DPYS: variants seen among roughly 807,000 people sequenced by gnomAD.
The protein encoded by DPYS is dihydropyrimidinase.
A neutral mutation model predicts 50.3 loss-of-function variants in DPYS; 39 were observed. The ratio of observed to expected loss-of-function variants is 0.78; its 90% CI spans 0.60 to 1.01. DPYS has a LOEUF of 1.01. DPYS is among the 50% of genes least tolerant of loss of function. The pLI is 0.00. For missense variants in DPYS, 659 were observed against 680.9 expected (o/e 0.97, Z 0.36); for synonymous variants, 245 against 250.7 (o/e 0.98, Z 0.22).
rs141528788 is a variant in DPYS at position 104,406,496 on chromosome 8, G to A, written c.1236-13505C>T. Among the ~76,000 whole-genome samples, 329 of 152,290 alleles carry A rather than the reference G, an allele frequency of 2.2e-3. 1 individual carries two copies. The highest frequency in any genetic ancestry group is 7.2e-3 in the African/African-American group (300 of 41,552). On this transcript the variant is annotated intron_variant, in intron 7 of 9. Transcript: ENST00000351513. ...TTCACCTGCTCCAACTCCTGGGCCA[G>A]GTGTGTGAGTTTGGCCTCATGACCA...
intron 7 of DPYS, chr8:104,418,894 G>A: frequency 2.4e-6 from 1 of 417,980 alleles, no homozygotes; most frequent in Non-Finnish European, 3.2e-6. Context: ...CTTCTTAAAG[G>A]CAGGGTGTGG....
intron 6 of DPYS, among the ~76,000 whole-genome samples, chr8:104,427,432 C>T (rs1163554707): frequency 2.6e-5 from 4 of 151,502 alleles, no homozygotes; most frequent in Non-Finnish European, 2.9e-5. Context: ...CCACGTGCCA[C>T]CATGCCCGGC....
chr8:104,465,242 A>G (rs1355319533), intron 1 of DPYS, among the ~76,000 whole-genome samples: 1 of 148,000 alleles, frequency 6.8e-6, no homozygotes, highest in Non-Finnish European at 1.5e-5. Flanking sequence ...GCCTGTCCAC[A>G]GTAACATGGG....
intron 7 of DPYS, among the ~76,000 whole-genome samples, chr8:104,401,257 A>G (rs1811796287): frequency 6.6e-6 from 1 of 151,612 alleles, no homozygotes; most frequent in African/African-American, 2.4e-5. Flanking sequence ...GTGTGAAACA[A>G]TAATAATCAT....
At chr8:104,398,273 T>A (rs1449696828) in intron 7 of DPYS, among the ~76,000 whole-genome samples, 1 of 152,214 alleles carries the variant, frequency 6.6e-6, no homozygotes, top group African/African-American at 2.4e-5. Context: ...GATGGGTCAA[T>A]CCTGGGTTTA....
Position 104,424,489 on chromosome 8 carries a change from AC to A in DPYS, c.1093-101del, listed in dbSNP as rs1812654382. The A allele has an allele frequency of 1.3e-5, 17 of 1,262,888 alleles. No homozygotes were observed. The Admixed American group carries it at 3.4e-4, about 25-fold the overall frequency. 78.2% of individuals were successfully genotyped at this position (1,262,888 alleles called of 1,614,324 possible). A position where few individuals can be genotyped will look rare whatever the true frequency, so the allele number is the denominator to read the frequency against. On this transcript the variant is annotated intron_variant, in intron 6 of 9. Transcript: ENST00000351513. ...GCATCTCTTAAACAAACAGAACTGC[AC>A]CTAATTTCTTATATTGTAGAGCATC...
chr8:104,453,305 A>G (rs1813816740), intron 1 of DPYS, among the ~76,000 whole-genome samples: 1 of 152,206 alleles, frequency 6.6e-6, no homozygotes, highest in South Asian at 2.1e-4. Flanking sequence ...CTATTGATGT[A>G]ATGAAAATAC....
Position 104,466,742 on chromosome 8 carries a change from A to C in DPYS, c.179T>G (p.Leu60Arg), listed in dbSNP as rs1399897638. 6.5e-7 allele frequency: 1 copy of C among 1,535,610 alleles called. No individual in the cohort carries two copies. The highest frequency in any genetic ancestry group is 1.4e-5 in the African/African-American group (1 of 72,586). The change falls in exon 1 of 10, where the codon CTG (leucine) becomes CGG (arginine). Residue 60 changes from leucine (L) to arginine (R), a missense_variant. Leu to Arg is a moderately radical substitution (Grantham distance 102). Transcript: ENST00000351513. ...RVLDAAGKLV[L>R]PGGIDTHTHM... ...CGTGTGTGTGTCGATGCCTCCGGGC[A>C]GGACGAGCTTGCCGGCGGCGTCGAG...
chr8:104,416,295 G>C (rs950327019), intron 7 of DPYS, among the ~76,000 whole-genome samples: 20 of 152,124 alleles, frequency 1.3e-4, no homozygotes. Context: ...GTTACTACCT[G>C]TATCTATATC....
intron 1 of DPYS, among the ~76,000 whole-genome samples, chr8:104,461,580 C>T (rs190586283): frequency 7.2e-4 from 109 of 152,138 alleles, no homozygotes; most frequent in African/African-American, 2.6e-3. Flanking sequence ...CTGGAGATCA[C>T]CAAAATGTCC....
chr8:104,457,247 G>A (rs1257214263), intron 1 of DPYS, among the ~76,000 whole-genome samples: 1 of 152,150 alleles, frequency 6.6e-6, no homozygotes, highest in East Asian at 1.9e-4. Context: ...CCTGATAACC[G>A]AGCCAACTAC....
rs192507470 is a variant in DPYS, at chr8:104,424,436, G to T, written c.1093-47C>A. 564 of 1,589,276 alleles carry T rather than the reference G, an allele frequency of 3.5e-4. 1 individual carries two copies. In the African/African-American group the frequency reaches 6.7e-3, roughly 19 times the overall value. ...CATTCTAATGATCAAATACTAAAAA[G>T]TATCCTATCGATAAAATGACAAGAC... On this transcript the variant is annotated intron_variant, in intron 6 of 9. Transcript: ENST00000351513.
At position 104,379,784 on chromosome 8, in the gene DPYS, T is replaced by C. The variant is rs903913732; in HGVS notation, c.*74A>G. On this transcript the variant is annotated 3_prime_UTR_variant, in exon 10 of 10. Transcript: ENST00000351513. Reference sequence around the variant, plus strand: ...GAGTTGAATAAGGCCTGCTTCTCCATGGGTTGACAATGTTTGGCTGTGAAG... The same window carrying C: ...GAGTTGAATAAGGCCTGCTTCTCCACGGGTTGACAATGTTTGGCTGTGAAG... The C allele has an allele frequency of 4.4e-6, 2 of 456,546 alleles. No homozygotes were observed. The highest frequency in any genetic ancestry group is 2.0e-5 in the African/African-American group (1 of 50,082). The allele number at this position is 456,546 out of a possible 1,614,324, so 28.3% of individuals were successfully genotyped here.
intron 8 of DPYS, among the ~76,000 whole-genome samples, chr8:104,383,745 G>A (rs914727942): frequency 6.6e-6 from 1 of 152,032 alleles, no homozygotes; most frequent in African/African-American, 2.4e-5. Flanking sequence ...GGAATTACAG[G>A]CACACACCAC....
intron 8 of DPYS, among the ~76,000 whole-genome samples, chr8:104,385,492 T>G (rs1811183024): frequency 6.6e-6 from 1 of 152,224 alleles, no homozygotes; most frequent in Non-Finnish European, 1.5e-5. Flanking sequence ...CAGTACATGC[T>G]GGTCAAGATT....
At chr8:104,415,545 T>C (rs912038666) in intron 7 of DPYS, among the ~76,000 whole-genome samples, 5 of 151,972 alleles carry the variant, frequency 3.3e-5, no homozygotes, top group Admixed American at 1.3e-4. Flanking sequence ...GCATATGTAA[T>C]CAACAATGTT....
intron 7 of DPYS, among the ~76,000 whole-genome samples, chr8:104,421,825 T>G (rs1812558916): frequency 1.3e-5 from 2 of 152,232 alleles, no homozygotes; most frequent in Admixed American, 1.3e-4. Context: ...CTTTATGTGC[T>G]ATTCTGAAAC....
rs1377552957 is a variant in DPYS, at chr8:104,379,737, A to T, written c.*121T>A. On this transcript the variant is annotated 3_prime_UTR_variant, in exon 10 of 10. Transcript: ENST00000351513. ...AAATCAAAGAAGCCTATAGTGGTGA[A>T]TTTTTTCTAAAGGATCCTAGGGAGT... The T allele has an allele frequency of 2.2e-6, 1 of 455,384 alleles. No homozygotes were observed. The highest frequency in any genetic ancestry group is 4.4e-6 in the Non-Finnish European group (1 of 226,434). 28.2% of individuals were successfully genotyped at this position (455,384 alleles called of 1,614,324 possible). A position where few individuals can be genotyped will look rare whatever the true frequency, so the allele number is the denominator to read the frequency against.
chr8:104,416,064 G>T (rs78165104), intron 7 of DPYS, among the ~76,000 whole-genome samples: 3,052 of 152,124 alleles, frequency 0.02, 98 homozygotes, highest in African/African-American at 0.07. Context: ...TGCCCATTTT[G>T]CAAATAAAAA....
Sources: allele counts gnomAD v4.1 joint callset (sites outside exome capture counted in the v4.1 genomes callset), GRCh38; gene constraint gnomAD v4.1.1; transcripts MANE v1.5; gene names NCBI Gene and HGNC (gene_info 2026-07-23, HGNC 2026-07-21).